Variants in FLI1 observed in about 807,000 individuals in gnomAD.
FLI1 encodes Fli-1 proto-oncogene, ETS transcription factor.
A neutral mutation model predicts 53.1 loss-of-function variants in FLI1; 13 were observed. The ratio of observed to expected loss-of-function variants is 0.24; its 90% confidence interval spans 0.16 to 0.39. The LOEUF (loss-of-function observed/expected upper bound fraction) is 0.39, where lower values mean the gene tolerates loss of function less well. FLI1 is among the 10% of genes least tolerant of loss of function. The pLI, the probability that FLI1 is intolerant of heterozygous loss-of-function variation, is 1.00. For synonymous variants in FLI1, 244 were observed against 236.7 expected, an observed-to-expected ratio of 1.03 and a Z score of -0.28; for missense variants, 424 against 600.5, an observed-to-expected ratio of 0.71 and a Z score of 3.07.
intron 5 of FLI1, among the ~76,000 whole-genome samples, chr11:128,783,218 T>A (rs1941976934): frequency 6.6e-6 from 1 of 152,188 alleles, no homozygotes; most frequent in South Asian, 2.1e-4. Context: ...AAGGCTCTTC[T>A]AAGGGAAGGA....
intron 1 of FLI1, among the ~76,000 whole-genome samples, chr11:128,709,042 A>T (rs996898266): frequency 6.6e-6 from 1 of 152,242 alleles, no homozygotes. Flanking sequence ...CAGTGGCAGA[A>T]TGATTTTGTG....
chr11:128,783,207 AAAGGCTCTTCT>A (rs1941975913), intron 5 of FLI1, among the ~76,000 whole-genome samples: 1 of 152,258 alleles, frequency 6.6e-6, no homozygotes, highest in Non-Finnish European at 1.5e-5. Flanking sequence ...TCAGAGAAAC[AAAGGCTCTTCT>A]AAGGGAAGGA....
At chr11:128,745,412 C>T (rs1007811615) in intron 1 of FLI1, among the ~76,000 whole-genome samples, 1 of 152,104 alleles carries the variant, frequency 6.6e-6, no homozygotes, top group Non-Finnish European at 1.5e-5. Flanking sequence ...AGGTTTCTGC[C>T]ACATGTCACA....
chr11:128,697,872 G>C lies in FLI1; in HGVS notation c.18+3596G>C, dbSNP rs775244607. On this transcript the variant is annotated intron_variant, in intron 1 of 8. Coordinates refer to ENST00000527786, the MANE Select transcript of FLI1 (RefSeq NM_002017.5). ...AATGTAGACGCTAGTGGAGGGAGCT[G>C]ACACATACAGAGAACAATCTCAGTT... Among the ~76,000 whole-genome samples, 6 of 152,194 alleles carry C rather than the reference G, an allele frequency of 3.9e-5. No homozygotes were observed. In the South Asian group the frequency reaches 6.2e-4, roughly 16 times the overall value.
At chr11:128,741,270 G>C (rs1940126868) in intron 1 of FLI1, among the ~76,000 whole-genome samples, 1 of 152,144 alleles carries the variant, frequency 6.6e-6, no homozygotes, top group South Asian at 2.1e-4. Flanking sequence ...ATGGGCGCCT[G>C]TAATCCCATC....
chr11:128,745,175 G>C (rs1026121609), intron 1 of FLI1, among the ~76,000 whole-genome samples: 31 of 152,104 alleles, frequency 2.0e-4, no homozygotes, highest in Admixed American at 6.6e-4. Context: ...AAAACTATTT[G>C]AAATAGGACC....
At chr11:128,726,513 G>T (rs909269930) in intron 1 of FLI1, among the ~76,000 whole-genome samples, 3 of 152,142 alleles carry the variant, frequency 2.0e-5, no homozygotes, top group African/African-American at 7.2e-5. Context: ...AACCAGCCTG[G>T]CTATTTCTCC....
chr11:128,697,099 A>G (rs1938112933), intron 1 of FLI1, among the ~76,000 whole-genome samples: 1 of 152,224 alleles, frequency 6.6e-6, no homozygotes, highest in Non-Finnish European at 1.5e-5. Context: ...AACTTGCAGT[A>G]TTAAACAACA....
At chr11:128,713,073 C>T (rs956973254) in intron 1 of FLI1, among the ~76,000 whole-genome samples, 1 of 152,152 alleles carries the variant, frequency 6.6e-6, no homozygotes, top group African/African-American at 2.4e-5. Context: ...GTGTCCATCA[C>T]TGAATGGCAT....
chr11:128,791,065 T>C (rs1942255425), intron 5 of FLI1, among the ~76,000 whole-genome samples: 1 of 152,102 alleles, frequency 6.6e-6, no homozygotes, highest in East Asian at 1.9e-4. Context: ...CCTGAGGGAC[T>C]GTGAGGTGAT....
intron 1 of FLI1, among the ~76,000 whole-genome samples, chr11:128,716,648 C>A (rs1246433094): frequency 6.6e-6 from 1 of 152,176 alleles, no homozygotes; most frequent in Non-Finnish European, 1.5e-5. Flanking sequence ...CGCTGCTCTG[C>A]TCCTGATGGA....
At chr11:128,713,232 A>G (rs1938863270) in intron 1 of FLI1, among the ~76,000 whole-genome samples, 1 of 152,208 alleles carries the variant, frequency 6.6e-6, no homozygotes, top group Admixed American at 6.5e-5. Context: ...GCCCTCCAGA[A>G]AGGATAAAAT....
intron 1 of FLI1, among the ~76,000 whole-genome samples, chr11:128,687,895 A>G (rs1277356715): frequency 6.6e-6 from 1 of 152,224 alleles, no homozygotes; most frequent in Admixed American, 6.5e-5. Context: ...AATGAAATAC[A>G]GTGTAATTCA....
At chr11:128,775,177 A>C (rs1414569203) in intron 4 of FLI1, among the ~76,000 whole-genome samples, 3 of 152,116 alleles carry the variant, frequency 2.0e-5, no homozygotes, top group Non-Finnish European at 4.4e-5. Context: ...ATGGTGGCGA[A>C]CAGTAGTACA....
intron 5 of FLI1, among the ~76,000 whole-genome samples, chr11:128,795,788 G>A (rs1264656039): frequency 2.6e-5 from 4 of 152,128 alleles, no homozygotes; most frequent in East Asian, 1.9e-4. Flanking sequence ...CTCACCTCGT[G>A]ATCTGCCTGC....
chr11:128,741,359 C>T (rs1243009927), intron 1 of FLI1, among the ~76,000 whole-genome samples: 1 of 152,192 alleles, frequency 6.6e-6, no homozygotes, highest in African/African-American at 2.4e-5. Flanking sequence ...TGCCAGTGCA[C>T]TCCAGCCTGG....
At chr11:128,785,217 T>TA (rs1942045677) in intron 5 of FLI1, among the ~76,000 whole-genome samples, 1 of 152,014 alleles carries the variant, frequency 6.6e-6, no homozygotes, top group East Asian at 1.9e-4. Context: ...CTAAGGCACT[T>TA]AAAAAAATAA....
intron 2 of FLI1, among the ~76,000 whole-genome samples, chr11:128,762,577 T>G (rs1323126833): frequency 6.6e-6 from 1 of 152,248 alleles, no homozygotes; most frequent in Admixed American, 6.5e-5. Context: ...TATATTGAGT[T>G]AACATATTAA....
At chr11:128,743,821 A>C (rs1940249614) in intron 1 of FLI1, among the ~76,000 whole-genome samples, 1 of 152,216 alleles carries the variant, frequency 6.6e-6, no homozygotes, top group Admixed American at 6.5e-5. Context: ...AAACCCAATG[A>C]AATGTTTTCT....
Sources: allele counts gnomAD v4.1 joint callset (sites outside exome capture counted in the v4.1 genomes callset), GRCh38; gene constraint gnomAD v4.1.1; transcripts MANE v1.5; gene names NCBI Gene and HGNC (gene_info 2026-07-23, HGNC 2026-07-21).